COLEC12: variants seen among roughly 807,000 people sequenced by gnomAD.
COLEC12 encodes the protein collectin-12.
A neutral mutation model predicts 71.1 loss-of-function variants in COLEC12; 33 were observed. The observed-to-expected ratio is 0.46, with a 90% CI of 0.35 to 0.62. COLEC12 has a LOEUF of 0.62. COLEC12 is among the 20% of genes least tolerant of loss of function. COLEC12 has a pLI of 0.00. For synonymous variants in COLEC12, 350 were observed against 353.0 expected, an observed-to-expected ratio of 0.99 and a Z score of 0.10; for missense variants, 765 against 916.1, an observed-to-expected ratio of 0.84 and a Z score of 2.13.
chr18:435,497 AGCTGGT>A (rs1916386813), intron 2 of COLEC12, among the ~76,000 whole-genome samples: 1 of 152,136 alleles, frequency 6.6e-6, no homozygotes, highest in Non-Finnish European at 1.5e-5. Flanking sequence ...AATTACCTCC[AGCTGGT>A]CCCACCCTTG....
At chr18:364,755 A>T (rs147935996) in intron 2 of COLEC12, among the ~76,000 whole-genome samples, 2 of 152,316 alleles carry the variant, frequency 1.3e-5, no homozygotes, top group African/African-American at 4.8e-5. Context: ...GAATGTGAAG[A>T]GGAATTGCTG....
rs3897602 is a variant in COLEC12, at chr18:317,178, A to G, written c.*2867T>C. The G allele has an allele frequency of 0.17, 25,713 of 152,298 alleles. 2,311 individuals carry two copies. The highest frequency in any genetic ancestry group is 0.29 in the Middle Eastern group (86 of 294). 9.4% of individuals were successfully genotyped at this position (152,298 alleles called of 1,614,324 possible). A position where few individuals can be genotyped will look rare whatever the true frequency, so the allele number is the denominator to read the frequency against. On this transcript the variant is annotated 3_prime_UTR_variant, in exon 10 of 10. Coordinates refer to ENST00000400256, the MANE Select transcript of COLEC12 (RefSeq NM_130386.3). ...GAGGCAGAGATTGCAGTGAGCCGAG[A>G]TCGCGCCACCGCACTCCAGCCTGGG...
At position 334,949 on chromosome 18, in the gene COLEC12, G is replaced by A. The variant is rs753710391; in HGVS notation, c.1609C>T (p.Leu537Phe). 5.1e-6 allele frequency: 8 copies of A among 1,572,198 alleles called. No homozygotes were observed. The highest frequency in any genetic ancestry group is 1.2e-5 in the South Asian group (1 of 85,466). Residue 537 changes from leucine to phenylalanine, a missense_variant, in exon 6 of 10, where the codon CTC becomes TTC. Transcript: ENST00000400256. The stretch of plus-strand genomic sequence containing the variant: ...CCAGGAGGGCCCTGAGGGCCGGGGA[G>A]TCCCTCTTTGCCTGGTGGGCCCGGG... ...GPPGPPGKEG[L>F]PGPQGPPGFQ...
chr18:470,223 T>TA (rs1917167465), intron 2 of COLEC12, among the ~76,000 whole-genome samples: 1 of 117,188 alleles, frequency 8.5e-6, no homozygotes, highest in Non-Finnish European at 1.8e-5. Flanking sequence ...CCAGGAAATT[T>TA]TTTTTTTTTT....
chr18:351,376 T>C (rs1461001077), intron 3 of COLEC12, among the ~76,000 whole-genome samples: 1 of 152,148 alleles, frequency 6.6e-6, no homozygotes, highest in East Asian at 1.9e-4. Context: ...TTTGCCGAGG[T>C]GCACCTTGCA....
In COLEC12 at chr18:334,937, G is replaced by C; in HGVS notation, c.1621C>G (p.Gln541Glu). The change falls in exon 6 of 10, where the codon CAG becomes GAG. Residue 541 changes from glutamine to glutamate, a missense_variant. Gln to Glu is a conservative substitution (Grantham distance 29). Coordinates refer to ENST00000400256, the MANE Select transcript of COLEC12 (RefSeq NM_130386.3). ...AGTCCCTGGAAGCCAGGAGGGCCCT[G>C]AGGGCCGGGGAGTCCCTCTTTGCCT... The part of the protein sequence containing the change: ...PPGKEGLPGP[Q>E]GPPGFQGLQG... The C allele has an allele frequency of 1.3e-6, 2 of 1,567,464 alleles. No individual in the cohort carries two copies. Among genetic ancestry groups the C allele is most frequent in the Non-Finnish European group, 1.7e-6 (2 of 1,164,870 alleles).
chr18:415,886 TA>T (rs1915976874), intron 2 of COLEC12, among the ~76,000 whole-genome samples: 1 of 152,236 alleles, frequency 6.6e-6, no homozygotes, highest in South Asian at 2.1e-4. Context: ...CTTATGAACC[TA>T]ATTACACTGT....
chr18:334,456 C>T (rs562064589), intron 6 of COLEC12: 24 of 226,744 alleles, frequency 1.1e-4, no homozygotes, highest in African/African-American at 5.4e-4. Context: ...GGTGAAACCC[C>T]CTCTCTACTA....
rs373916994 is a variant in COLEC12, at chr18:482,422, T to C, written c.8-1665A>G. Among the ~76,000 whole-genome samples, 462 of 151,016 alleles carry C rather than the reference T, an allele frequency of 3.1e-3. 6 individuals carry two copies. The highest frequency in any genetic ancestry group is 0.011 in the African/African-American group (441 of 41,084). On this transcript the variant is annotated intron_variant, in intron 1 of 9. Coordinates refer to ENST00000400256, the MANE Select transcript of COLEC12 (RefSeq NM_130386.3). Reference sequence around the variant, plus strand: ...AGCCACCGTGCCCGGCCAACACTTTTTGATGACAAGTAAGAGGTGCCAAAG... The same window carrying C: ...AGCCACCGTGCCCGGCCAACACTTTCTGATGACAAGTAAGAGGTGCCAAAG...
chr18:400,903 C>T (rs1226474442), intron 2 of COLEC12, among the ~76,000 whole-genome samples: 1 of 152,030 alleles, frequency 6.6e-6, no homozygotes, highest in Non-Finnish European at 1.5e-5. Flanking sequence ...AAGAAGTAGC[C>T]TAAACCTTCT....
chr18:453,662 T>C (rs1484767858), intron 2 of COLEC12, among the ~76,000 whole-genome samples: 1 of 152,238 alleles, frequency 6.6e-6, no homozygotes, highest in African/African-American at 2.4e-5. Context: ...CTGGGCTCTA[T>C]GCTAAAGACT....
chr18:367,794 T>G lies in COLEC12; in HGVS notation c.59-10272A>C, dbSNP rs148691850. On this transcript the variant is annotated intron_variant, in intron 2 of 9. Transcript: ENST00000400256. ...CTGTCACTAGCCACATACTTGTTATTAAAACTGGACAAAGGCCTGGTGTCG... is the reference window on the plus strand; with the variant it reads ...CTGTCACTAGCCACATACTTGTTATGAAAACTGGACAAAGGCCTGGTGTCG... 2.2e-4 allele frequency among the ~76,000 whole-genome samples: 34 copies of G among 152,316 alleles called. No homozygotes were observed. The East Asian group carries it at 5.8e-3, about 26-fold the overall frequency.
chr18:464,530 C>G (rs1431822228), intron 2 of COLEC12, among the ~76,000 whole-genome samples: 1 of 152,210 alleles, frequency 6.6e-6, no homozygotes, highest in African/African-American at 2.4e-5. Context: ...ACAGTCATCC[C>G]TCTTTACTGC....
intron 2 of COLEC12, among the ~76,000 whole-genome samples, chr18:393,737 T>G (rs1431884257): frequency 6.6e-6 from 1 of 152,216 alleles, no homozygotes; most frequent in Non-Finnish European, 1.5e-5. Flanking sequence ...TATCATAATA[T>G]ATTCCAGCAG....
At chr18:379,428 G>T (rs1915183956) in intron 2 of COLEC12, among the ~76,000 whole-genome samples, 1 of 151,988 alleles carries the variant, frequency 6.6e-6, no homozygotes. Flanking sequence ...CACCCAGCCG[G>T]GAGAAAAAGT....
intron 2 of COLEC12, among the ~76,000 whole-genome samples, chr18:380,755 T>C (rs1040242910): frequency 6.6e-6 from 1 of 152,090 alleles, no homozygotes; most frequent in African/African-American, 2.4e-5. Context: ...GAAATCAAGT[T>C]TGAAATTTGG....
chr18:363,649 A>G (rs1261720870), intron 2 of COLEC12, among the ~76,000 whole-genome samples: 1 of 152,242 alleles, frequency 6.6e-6, no homozygotes, highest in African/African-American at 2.4e-5. Context: ...AATGGCCCCA[A>G]AAGCAACAAA....
chr18:469,825 T>C (rs1917157997), intron 2 of COLEC12, among the ~76,000 whole-genome samples: 1 of 152,204 alleles, frequency 6.6e-6, no homozygotes, highest in African/African-American at 2.4e-5. Context: ...TGATGAGGCC[T>C]CACTGCCAGC....
rs1432428801 is a variant in COLEC12, at chr18:500,583, C to T, written c.-69G>A. On this transcript the variant is annotated 5_prime_UTR_variant, in exon 1 of 10. Transcript: ENST00000400256. The surrounding 1 kb of genome is among the most constrained non-coding windows in gnomAD (Gnocchi z 5.3). Reference sequence around the variant, plus strand: ...GCGCCGCGCAGCCGAGGAAGTCGTCCCGAGCGGCTGCTCACCGCACGCCCA... The same window carrying T: ...GCGCCGCGCAGCCGAGGAAGTCGTCTCGAGCGGCTGCTCACCGCACGCCCA... The T allele has an allele frequency of 1.7e-6, 2 of 1,195,234 alleles. No individual in the cohort carries two copies. The highest frequency in any genetic ancestry group is 6.8e-5 in the East Asian group (2 of 29,374). 74.0% of individuals were successfully genotyped at this position (1,195,234 alleles called of 1,614,324 possible).
Sources: allele counts gnomAD v4.1 joint callset (sites outside exome capture counted in the v4.1 genomes callset), GRCh38; gene constraint gnomAD v4.1.1; non-coding constraint Gnocchi (gnomAD v3.1); transcripts MANE v1.5; gene names NCBI Gene and HGNC (gene_info 2026-07-23, HGNC 2026-07-21).